Variants in PCNX1 observed in about 807,000 individuals in gnomAD.
PCNX1 encodes the protein pecanex 1, also known as pecanex-like protein 1.
Under a neutral mutation model 242.2 loss-of-function variants are expected in PCNX1, and 78 were observed. The observed-to-expected ratio is 0.32, with a 90% CI of 0.27 to 0.39. The LOEUF (loss-of-function observed/expected upper bound fraction) is 0.39, where lower values mean the gene tolerates loss of function less well. PCNX1 is among the 10% of genes least tolerant of loss of function. The probability of loss-of-function intolerance (pLI) is 1.00; values close to 1 mark genes in which losing one functional copy is unlikely to be tolerated. For synonymous variants in PCNX1, 1,024 were observed against 1,032.9 expected, an observed-to-expected ratio of 0.99 and a Z score of 0.17; for missense variants, 2,581 against 2,856.5, an observed-to-expected ratio of 0.90 and a Z score of 2.20.
At chr14:71,027,559 T>A (rs562252966) in intron 15 of PCNX1, among the ~76,000 whole-genome samples, 111 of 152,018 alleles carry the variant, frequency 7.3e-4, no homozygotes, top group African/African-American at 2.6e-3. Flanking sequence ...AGTTTGCAAC[T>A]AGAGAAAATG....
intron 11 of PCNX1, among the ~76,000 whole-genome samples, chr14:71,015,754 A>G (rs941480136): frequency 1.1e-4 from 17 of 152,220 alleles, no homozygotes; most frequent in Admixed American, 9.2e-4. Flanking sequence ...CTGTTAATCA[A>G]TAAGGTGGAA....
At chr14:70,919,399 G>C (rs758923480) in intron 1 of PCNX1, among the ~76,000 whole-genome samples, 1 of 152,066 alleles carries the variant, frequency 6.6e-6, no homozygotes, top group Non-Finnish European at 1.5e-5. Flanking sequence ...AAGCAGAAAT[G>C]TTTCTTTGAG....
intron 30 of PCNX1, among the ~76,000 whole-genome samples, chr14:71,101,332 T>G (rs1444692962): frequency 6.6e-6 from 1 of 152,230 alleles, no homozygotes; most frequent in African/African-American, 2.4e-5. Context: ...GGGAGATACA[T>G]TTCATATCTT....
chr14:71,013,653 T>A, intron 11 of PCNX1, among the ~76,000 whole-genome samples: 1 of 151,774 alleles, frequency 6.6e-6, no homozygotes, highest in Non-Finnish European at 1.5e-5. Context: ...GGATTTATCA[T>A]CTCATGTGAA....
intron 1 of PCNX1, among the ~76,000 whole-genome samples, chr14:70,919,835 T>C (rs1250013245): frequency 6.6e-6 from 1 of 150,862 alleles, no homozygotes; most frequent in Non-Finnish European, 1.5e-5. Flanking sequence ...GCACTGTCAG[T>C]GCTAGTTGCT....
At chr14:71,035,958 C>A in intron 18 of PCNX1, 107 bp from the exon 19 acceptor site, 3 of 698,572 alleles carry the variant, frequency 4.3e-6, no homozygotes, top group South Asian at 1.9e-5. Flanking sequence ...ACTGACTGAG[C>A]TAGCCAGGCA....
In PCNX1 at chr14:71,009,137, A is replaced by G. The variant is rs965172505; in HGVS notation, c.2630-497A>G. On this transcript the variant is annotated intron_variant, in intron 8 of 35. Coordinates refer to ENST00000304743, the MANE Select transcript of PCNX1 (RefSeq NM_014982.3). The stretch of plus-strand genomic sequence containing the variant: ...TAATATAATTTAATTATCACCAACA[A>G]TACTAGCTCTTTCCATTCACTGACC... Among the ~76,000 whole-genome samples, 13 of 152,222 alleles carry G rather than the reference A, an allele frequency of 8.5e-5. No homozygotes were observed. In the East Asian group the frequency reaches 1.7e-3, roughly 20 times the overall value.
intron 26 of PCNX1, among the ~76,000 whole-genome samples, chr14:71,066,243 G>A (rs1162813106): frequency 1.3e-5 from 2 of 152,218 alleles, no homozygotes; most frequent in Non-Finnish European, 2.9e-5. Flanking sequence ...TCCTATCCAT[G>A]AGCATGGAAT....
At chr14:71,042,078 A>G (rs1030057153) in intron 19 of PCNX1, among the ~76,000 whole-genome samples, 11 of 152,082 alleles carry the variant, frequency 7.2e-5, no homozygotes, top group African/African-American at 2.4e-4. Flanking sequence ...ATTTGTTGAG[A>G]CTTGTTTCGT....
chr14:70,975,170 G>A (rs1192479169), intron 5 of PCNX1, among the ~76,000 whole-genome samples: 1 of 151,926 alleles, frequency 6.6e-6, no homozygotes, highest in East Asian at 1.9e-4. Context: ...TCATATCCTT[G>A]AAATGTGAAT....
chr14:71,050,608 A>G (rs764203487), intron 22 of PCNX1, 44 bp from the exon 23 acceptor site: 4 of 1,465,366 alleles, frequency 2.7e-6, no homozygotes, highest in East Asian at 4.7e-5. Context: ...AATATCTGAT[A>G]AGTTTTTTTT....
At chr14:71,005,958 T>C (rs1179175265) in intron 8 of PCNX1, among the ~76,000 whole-genome samples, 1 of 149,726 alleles carries the variant, frequency 6.7e-6, no homozygotes, top group African/African-American at 2.5e-5. Context: ...GGTCTCACTC[T>C]CTTGCCCAGG....
At chr14:71,042,865 TA>T (rs375732843) in intron 19 of PCNX1, among the ~76,000 whole-genome samples, 1,541 of 152,200 alleles carry the variant, frequency 0.01, 11 homozygotes, top group Non-Finnish European at 0.012. Flanking sequence ...ACATTTGACT[TA>T]AAAAAATCAT....
At position 70,977,754 on chromosome 14, in the gene PCNX1, T is replaced by A. The variant is rs1471073520; in HGVS notation, c.1417T>A (p.Ser473Thr). ...GVHEAKDPTP[S>T]DEMHNQRGLS... ...TCACGAGGCCAAGGACCCCACCCCC[T>A]CTGATGAGATGCACAACCAGAGAGG... The change falls in exon 6 of 36, where the codon TCT (serine) becomes ACT (threonine). Residue 473 changes from serine to threonine, a missense_variant. By Grantham distance (58) the Ser-to-Thr change is moderately conservative (BLOSUM62 1). Transcript: ENST00000304743. 2 of 1,613,980 alleles carry A rather than the reference T, an allele frequency of 1.2e-6. No individual in the cohort carries two copies. Among genetic ancestry groups the A allele is most frequent in the Non-Finnish European group, 1.7e-6 (2 of 1,179,990 alleles).
intron 3 of PCNX1, among the ~76,000 whole-genome samples, chr14:70,964,825 A>C (rs2058329079): frequency 6.6e-6 from 1 of 152,182 alleles, no homozygotes; most frequent in African/African-American, 2.4e-5. Context: ...AAAATGGGCA[A>C]ATATTGGAGG....
In PCNX1 at chr14:71,091,364, A is replaced by G. The variant is rs545980428; in HGVS notation, c.5589+2022A>G. Among the ~76,000 whole-genome samples, 8 of 152,332 alleles carry G rather than the reference A, an allele frequency of 5.3e-5. No individual in the cohort carries two copies. The South Asian group carries it at 8.3e-4, about 16-fold the overall frequency. On this transcript the variant is annotated intron_variant, in intron 30 of 35. Transcript: ENST00000304743. ...ATAGGCTTATATACTAAAAGAAAGG[A>G]TATATGCATCTACCTTACAACCCAA...
chr14:70,956,384 A>AAAAT (rs1002739521), intron 2 of PCNX1, among the ~76,000 whole-genome samples: 2 of 151,866 alleles, frequency 1.3e-5, no homozygotes, highest in Non-Finnish European at 2.9e-5. Flanking sequence ...CTCTACCAAA[A>AAAAT]AAATAAATAA....
chr14:70,973,011 A>C (rs2058586595), intron 5 of PCNX1, among the ~76,000 whole-genome samples: 1 of 152,124 alleles, frequency 6.6e-6, no homozygotes. Flanking sequence ...CAGCACTTCG[A>C]GAGGCCAAGG....
intron 11 of PCNX1, among the ~76,000 whole-genome samples, chr14:71,014,113 C>G (rs2059896231): frequency 1.3e-5 from 2 of 152,170 alleles, no homozygotes; most frequent in Admixed American, 1.3e-4. Flanking sequence ...CATGTCCCTA[C>G]CAGCCAGATT....
Sources: gnomAD v4.1 joint callset for allele counts (sites outside exome capture counted in the v4.1 genomes callset) on GRCh38, gnomAD v4.1.1 for gene constraint, MANE v1.5 for transcripts, NCBI Gene and HGNC (gene_info 2026-07-23, HGNC 2026-07-21) for gene names.